ARRB1: variants seen among roughly 807,000 people sequenced by gnomAD.
ARRB1 encodes the protein beta-arrestin-1.
In ARRB1, 21 loss-of-function variants were observed where a neutral mutation model predicts 56.8. The ratio of observed to expected loss-of-function variants is 0.37; its 90% CI spans 0.26 to 0.53. ARRB1 has a LOEUF of 0.53. Ranked by LOEUF, ARRB1 falls within the 20% of genes least tolerant of loss-of-function variation. The pLI, the probability that ARRB1 is intolerant of heterozygous loss-of-function variation, is 0.88. For synonymous variants in ARRB1, 210 were observed against 218.6 expected (o/e 0.96, Z 0.35); for missense variants, 424 against 553.7 (o/e 0.77, Z 2.35).
chr11:75,271,873 G>T, intron 12 of ARRB1, 149 bp from the exon 13 acceptor site: 3 of 828,872 alleles, frequency 3.6e-6, no homozygotes, highest in Non-Finnish European at 3.6e-6. Flanking sequence ...GCACAGCCCT[G>T]ACTGCTCTTT....
chr11:75,296,092 A>G (rs1035175381), intron 1 of ARRB1, among the ~76,000 whole-genome samples: 2 of 150,180 alleles, frequency 1.3e-5, no homozygotes, highest in Non-Finnish European at 3.0e-5. Flanking sequence ...AGGCTGAGGC[A>G]TGAGAATTAC....
At chr11:75,323,830 A>G (rs2140498321) in intron 1 of ARRB1, among the ~76,000 whole-genome samples, 1 of 152,320 alleles carries the variant, frequency 6.6e-6, no homozygotes, top group Non-Finnish European at 1.5e-5. Context: ...TAATCATTTC[A>G]GCACTATTTA....
intron 1 of ARRB1, among the ~76,000 whole-genome samples, chr11:75,321,001 C>T (rs1018146944): frequency 2.0e-5 from 3 of 152,256 alleles, no homozygotes; most frequent in African/African-American, 4.8e-5. Context: ...ACACAACACA[C>T]GTGCACAGAC....
intron 1 of ARRB1, among the ~76,000 whole-genome samples, chr11:75,309,546 G>C (rs1326326652): frequency 6.6e-6 from 1 of 152,226 alleles, no homozygotes; most frequent in Non-Finnish European, 1.5e-5. Context: ...CCCTACCACA[G>C]CAAGCGGACC....
At chr11:75,282,611 A>G (rs1037032802) in intron 5 of ARRB1, among the ~76,000 whole-genome samples, 1 of 152,224 alleles carries the variant, frequency 6.6e-6, no homozygotes, top group African/African-American at 2.4e-5. Context: ...CCACGCCTCC[A>G]TGGTAGCCCA....
At chr11:75,267,582 G>A (rs1193283593) in intron 15 of ARRB1, 70 bp downstream of exon 15, 2 of 1,477,456 alleles carry the variant, frequency 1.4e-6, no homozygotes, top group African/African-American at 1.4e-5. Context: ...AAGCATATAT[G>A]CAAATGACCC....
At chr11:75,277,293 C>T in intron 9 of ARRB1, 71 bp downstream of exon 9, 1 of 1,471,824 alleles carries the variant, frequency 6.8e-7, no homozygotes, top group Non-Finnish European at 9.5e-7. Flanking sequence ...AGGGGAGATA[C>T]TTCAGCCACC....
intron 1 of ARRB1, among the ~76,000 whole-genome samples, chr11:75,320,511 G>T (rs895924387): frequency 1.3e-5 from 2 of 152,208 alleles, no homozygotes. Flanking sequence ...TGAAAGCTTG[G>T]GGGGCTGGAT....
rs111799534 is a variant in ARRB1, at chr11:75,348,199, G to A, written c.20+3389C>T. The stretch of plus-strand genomic sequence containing the variant: ...CCCCAGCCCAGGCCCCAGGCTGCAC[G>A]CCTTGCTTCCTGCCTCCAAGCCACT... On this transcript the variant is annotated intron_variant, in intron 1 of 15. Coordinates refer to ENST00000420843, the MANE Select transcript of ARRB1 (RefSeq NM_004041.5). Among the ~76,000 whole-genome samples, 12 of 152,168 alleles carry A rather than the reference G, an allele frequency of 7.9e-5. 1 individual carries two copies. Among genetic ancestry groups the A allele is most frequent in the South Asian group, 4.1e-4 (2 of 4,830 alleles).
At chr11:75,341,648 C>A (rs1043115945) in intron 1 of ARRB1, among the ~76,000 whole-genome samples, 2 of 152,192 alleles carry the variant, frequency 1.3e-5, no homozygotes, top group African/African-American at 4.8e-5. Context: ...GGGAGCCCCT[C>A]CTCCACACTC....
intron 1 of ARRB1, among the ~76,000 whole-genome samples, chr11:75,349,785 T>G (rs1947819800): frequency 6.6e-6 from 1 of 152,214 alleles, no homozygotes; most frequent in South Asian, 2.1e-4. Context: ...CCAGCTGCAA[T>G]GGGGACTAGC....
chr11:75,267,359 T>C (rs1396943775), intron 15 of ARRB1, among the ~76,000 whole-genome samples: 2 of 152,078 alleles, frequency 1.3e-5, no homozygotes, highest in Admixed American at 6.5e-5. Flanking sequence ...GGACCAGCCC[T>C]GTGTGAGCCG....
chr11:75,287,041 AG>A (rs1946495800), intron 3 of ARRB1, among the ~76,000 whole-genome samples: 1 of 152,156 alleles, frequency 6.6e-6, no homozygotes, highest in Non-Finnish European at 1.5e-5. Context: ...CACGCCTTAT[AG>A]TAAGTGGCGG....
At chr11:75,329,704 C>T (rs1947490479) in intron 1 of ARRB1, among the ~76,000 whole-genome samples, 1 of 152,144 alleles carries the variant, frequency 6.6e-6, no homozygotes, top group Non-Finnish European at 1.5e-5. Flanking sequence ...TCACAATAAT[C>T]ACTACTGGCT....
Position 75,271,724 on chromosome 11 carries a change from G to A in ARRB1, c.999C>T (p.Gly333=). The A allele has an allele frequency of 1.3e-6, 2 of 1,572,638 alleles. No individual in the cohort carries two copies. Among genetic ancestry groups the A allele is most frequent in the African/African-American group, 1.3e-5 (1 of 74,088 alleles). ...VKVKLVVSRG[G]LLGDLASSDV... is the part of the protein sequence containing the mutation. ...ACCTGGATGCAAGATCTCCCAACAG[G>A]CTGGGTGGGTCAGAGGAGGCAGGAG... Residue 333 remains glycine, a splice_region_variant and synonymous_variant, in exon 13 of 16, where the codon GGC becomes GGT. Coordinates refer to ENST00000420843, the MANE Select transcript of ARRB1 (RefSeq NM_004041.5).
At chr11:75,329,077 C>T (rs1300569578) in intron 1 of ARRB1, among the ~76,000 whole-genome samples, 2 of 150,338 alleles carry the variant, frequency 1.3e-5, no homozygotes, top group African/African-American at 4.9e-5. Context: ...CCATTCCTTC[C>T]TGCTGTGTAA....
intron 1 of ARRB1, among the ~76,000 whole-genome samples, chr11:75,348,880 G>A (rs916651216): frequency 5.3e-5 from 8 of 152,066 alleles, no homozygotes; most frequent in Non-Finnish European, 1.2e-4. Context: ...GTGAACCACC[G>A]CGCACAGCCC....
chr11:75,297,145 C>T (rs573023282), intron 1 of ARRB1, among the ~76,000 whole-genome samples: 96 of 152,186 alleles, frequency 6.3e-4, no homozygotes, highest in South Asian at 4.8e-3. Context: ...AAGATGCCTA[C>T]GCTCCCCTAA....
At chr11:75,311,041 T>C (rs1211835014) in intron 1 of ARRB1, among the ~76,000 whole-genome samples, 1 of 152,164 alleles carries the variant, frequency 6.6e-6, no homozygotes, top group Non-Finnish European at 1.5e-5. Flanking sequence ...GAGAGGGTTA[T>C]AAAGAGACCA....
Sources: allele counts gnomAD v4.1 joint callset (sites outside exome capture counted in the v4.1 genomes callset), GRCh38; gene constraint gnomAD v4.1.1; transcripts MANE v1.5; gene names NCBI Gene and HGNC (gene_info 2026-07-23, HGNC 2026-07-21).